CTC1: variants seen among roughly 807,000 people sequenced by gnomAD.
CTC1 encodes CST telomere replication complex component 1, also known as CST complex subunit CTC1.
CTC1 carries 91 observed loss-of-function variants against 136.3 expected under a neutral mutation model. The ratio of observed to expected loss-of-function variants is 0.67; its 90% CI spans 0.56 to 0.79. CTC1 has a LOEUF of 0.79. CTC1 is among the 30% of genes least tolerant of loss of function. CTC1 has a pLI of 0.00. For missense variants in CTC1, 1,432 were observed against 1,498.1 expected, an observed-to-expected ratio of 0.96 and a Z score of 0.73; for synonymous variants, 606 against 613.8, an observed-to-expected ratio of 0.99 and a Z score of 0.19.
intron 11 of CTC1, 133 bp downstream of exon 11, chr17:8,232,773 C>T: frequency 8.3e-7 from 1 of 1,208,248 alleles, no homozygotes; most frequent in Non-Finnish European, 1.2e-6. Context: ...ATACAAGTCT[C>T]CCAGAAGTTG....
rs948075624 is a variant in CTC1, at chr17:8,226,198, G to C, written c.*1982C>G. 6.6e-6 allele frequency: 1 copy of C among 152,186 alleles called. No homozygotes were observed. The highest frequency in any genetic ancestry group is 1.9e-4 in the East Asian group (1 of 5,196). 9.4% of individuals were successfully genotyped at this position (152,186 alleles called of 1,614,324 possible). On this transcript the variant is annotated 3_prime_UTR_variant, in exon 23 of 23. Transcript: ENST00000651323. ...TAAAAACAATACATGAAAGGATGTG[G>C]ATTTAGCCGCAAAATCACGCTGTTT...
At chr17:8,236,944 T>A (rs575371792) in intron 5 of CTC1, among the ~76,000 whole-genome samples, 2 of 151,544 alleles carry the variant, frequency 1.3e-5, no homozygotes, top group Admixed American at 1.3e-4. Context: ...ACCCAGTTAA[T>A]AAACTTGCAC....
At position 8,231,809 on chromosome 17, in the gene CTC1, G is replaced by T; in HGVS notation, c.2392C>A (p.Leu798Ile). Residue 798 changes from leucine (L) to isoleucine (I), a missense_variant, in exon 14 of 23, where the codon CTC (leucine) becomes ATC (isoleucine). Transcript: ENST00000651323. ...GNDDNDQKVH[L>I]IFFGSSVRWF... ...CGGACTGAAGAGCCAAAGAAAATGA[G>T]GTGAACCTGGGAGGATGGAGAGCAA... The T allele has an allele frequency of 1.2e-6, 2 of 1,614,218 alleles. No individual in the cohort carries two copies. Among genetic ancestry groups the T allele is most frequent in the Non-Finnish European group, 1.7e-6 (2 of 1,180,032 alleles).
Position 8,237,546 on chromosome 17 carries a change from T to C in CTC1, c.648-27A>G, listed in dbSNP as rs1987833525. 6 of 1,610,724 alleles carry C rather than the reference T, an allele frequency of 3.7e-6. No homozygotes were observed. In the East Asian group the frequency reaches 1.3e-4, roughly 36 times the overall value. On this transcript the variant is annotated intron_variant, in intron 4 of 22. Transcript: ENST00000651323. ...TAAGAAGGAAGAAAAAGCCCTGTAA[T>C]CCCAGCTACTCAGGAGGCTGAGGGA...
At chr17:8,241,789 GC>G (rs1444963079) in intron 2 of CTC1, among the ~76,000 whole-genome samples, 1 of 145,608 alleles carries the variant, frequency 6.9e-6, no homozygotes, top group African/African-American at 2.5e-5. Context: ...GGAGGTAAAG[GC>G]TGTGAGCCAT....
Position 8,236,040 on chromosome 17 carries a change from ATC to A in CTC1, c.1077+16_1077+17del, listed in dbSNP as rs543403980. The A allele has an allele frequency of 6.2e-6, 10 of 1,603,254 alleles. No homozygotes were observed. Among genetic ancestry groups the A allele is most frequent in the Non-Finnish European group, 8.5e-6 (10 of 1,171,516 alleles). On this transcript the variant is annotated intron_variant, in intron 6 of 22. Transcript: ENST00000651323. ...CATTTCTGGCCCCTCAAGCTCTAGG[ATC>A]TCTCCCTGTGCTCACCGAATAGGAT...
intron 2 of CTC1, among the ~76,000 whole-genome samples, chr17:8,241,961 A>C (rs950295643): frequency 6.6e-6 from 1 of 151,948 alleles, no homozygotes; most frequent in Non-Finnish European, 1.5e-5. Context: ...TTAAGGATAG[A>C]TGCATGTGTA....
At position 8,226,313 on chromosome 17, in the gene CTC1, C is replaced by T. The variant is rs961793089; in HGVS notation, c.*1867G>A. The T allele has an allele frequency of 6.6e-6, 1 of 152,340 alleles. No individual in the cohort carries two copies. The highest frequency in any genetic ancestry group is 2.4e-5 in the African/African-American group (1 of 41,546). 9.4% of individuals were successfully genotyped at this position (152,340 alleles called of 1,614,324 possible). The stretch of plus-strand genomic sequence containing the variant: ...AACCAACTAAGCCACGGCGCCGAAG[C>T]TGCCATAAAGGTTCCTGAAATTCAT... On this transcript the variant is annotated 3_prime_UTR_variant, in exon 23 of 23. Transcript: ENST00000651323.
chr17:8,231,371 CCAGTTGTCCTGGA>C lies in CTC1; in HGVS notation c.2561_2573del (p.Val854GlyfsTer26), dbSNP rs1987208048. 1 of 1,613,298 alleles carries C rather than the reference CCAGTTGTCCTGGA, an allele frequency of 6.2e-7. No homozygotes were observed. Among genetic ancestry groups the C allele is most frequent in the Non-Finnish European group, 8.5e-7 (1 of 1,179,354 alleles). On this transcript the variant is annotated frameshift_variant, in exon 15 of 23. Transcript: ENST00000651323. LOFTEE classifies it high-confidence loss of function. ...CCTGGGAGCTTTCAAGCTCCAGAGT[CCAGTTGTCCTGGA>C]CAGTGAGGCAGGATGCACAGCCAGC...
At chr17:8,246,907 A>AACAC (rs145222612) in intron 1 of CTC1, among the ~76,000 whole-genome samples, 29 of 150,006 alleles carry the variant, frequency 1.9e-4, no homozygotes, top group African/African-American at 5.9e-4. Flanking sequence ...TCCGTCTCAA[A>AACAC]ACACACACAC....
At chr17:8,239,096 A>G (rs996012877) in intron 2 of CTC1, among the ~76,000 whole-genome samples, 1 of 151,686 alleles carries the variant, frequency 6.6e-6, no homozygotes, top group Admixed American at 6.6e-5. Flanking sequence ...TCTCAAAAAA[A>G]AAAAAAAAAA....
intron 15 of CTC1, 70 bp from the exon 16 acceptor site, chr17:8,230,721 A>C: frequency 1.5e-6 from 2 of 1,370,100 alleles, no homozygotes. Flanking sequence ...GTCAGATTCA[A>C]GGCAGAAAAT....
chr17:8,241,849 CAAAAAAAA>C (rs59476896), intron 2 of CTC1, among the ~76,000 whole-genome samples: 62 of 96,352 alleles, frequency 6.4e-4, no homozygotes, highest in African/African-American at 2.6e-3. Flanking sequence ...GACCCTGTCT[CAAAAAAAA>C]AAAAAAAAAA....
rs1248407569 is a variant in CTC1, at chr17:8,227,107, G to A, written c.*1073C>T. The A allele has an allele frequency of 1.3e-5, 2 of 150,488 alleles. No homozygotes were observed. Among genetic ancestry groups the A allele is most frequent in the Non-Finnish European group, 2.9e-5 (2 of 68,038 alleles). 9.3% of individuals were successfully genotyped at this position (150,488 alleles called of 1,614,324 possible). A position where few individuals can be genotyped will look rare whatever the true frequency, so the allele number is the denominator to read the frequency against. On this transcript the variant is annotated 3_prime_UTR_variant, in exon 23 of 23. Transcript: ENST00000651323. ...ACTTCAAATCTTAATATAGGGTATT[G>A]CTACCATAAAAGCAGCATAAATCCC... is the stretch of plus-strand genomic sequence containing the variant.
At chr17:8,231,580 T>C in intron 14 of CTC1, 111 bp from the exon 15 acceptor site, 1 of 1,246,220 alleles carries the variant, frequency 8.0e-7, no homozygotes, top group African/African-American at 1.5e-5. Context: ...GAAGGAAGTG[T>C]GTCAACACAC....
chr17:8,234,407 G>T, intron 10 of CTC1, 48 bp downstream of exon 10: 6 of 1,508,814 alleles, frequency 4.0e-6, no homozygotes, highest in African/African-American at 1.4e-5. Flanking sequence ...GTGGCAATAA[G>T]GATGACAAAA....
Position 8,238,054 on chromosome 17 carries a change from A to G in CTC1, c.624T>C (p.Ser208=), listed in dbSNP as rs1369385928. 1.2e-6 allele frequency: 2 copies of G among 1,613,606 alleles called. No homozygotes were observed. The highest frequency in any genetic ancestry group is 8.5e-7 in the Non-Finnish European group (1 of 1,179,742). Residue 208 remains serine, a synonymous_variant, in exon 4 of 23, where the codon AGT becomes AGC. Coordinates refer to ENST00000651323, the MANE Select transcript of CTC1 (RefSeq NM_025099.6). ...ACCTGAGCCTGAGCAGGCAGGAAGC[A>G]CTCTCTGGGTAGAGGACAGGGATAG... ...VTPIPVLYPE[S]ASCLLRLRNK...
At chr17:8,233,195 A>G (rs1043645076) in intron 10 of CTC1, 163 bp from the exon 11 acceptor site, 2 of 691,718 alleles carry the variant, frequency 2.9e-6, no homozygotes, top group Non-Finnish European at 4.8e-6. Flanking sequence ...ACAGACATAA[A>G]AAAACACACA....
chr17:8,242,551 AAAATATATATATAT>A (rs1426077727), intron 2 of CTC1, among the ~76,000 whole-genome samples: 1 of 45,294 alleles, frequency 2.2e-5, no homozygotes, highest in African/African-American at 5.6e-5. Flanking sequence ...AAAAAAAAAA[AAAATATATATATAT>A]ATATATATAT....
Sources: gnomAD v4.1 joint callset for allele counts (sites outside exome capture counted in the v4.1 genomes callset) on GRCh38, gnomAD v4.1.1 for gene constraint, MANE v1.5 for transcripts, NCBI Gene and HGNC (gene_info 2026-07-23, HGNC 2026-07-21) for gene names.